The following SEMA3E variants were observed in gnomAD, a reference collection of about 807,000 sequenced individuals.
SEMA3E encodes the protein semaphorin 3E.
A neutral mutation model predicts 93.6 loss-of-function variants in SEMA3E; 49 were observed. That is an observed-to-expected ratio of 0.52 (90% CI 0.42 to 0.66). The LOEUF is 0.66. SEMA3E is among the 30% of genes least tolerant of loss of function. The pLI is 0.00. For synonymous variants in SEMA3E, 363 were observed against 330.7 expected, an observed-to-expected ratio of 1.10 and a Z score of -1.06; for missense variants, 906 against 964.8, an observed-to-expected ratio of 0.94 and a Z score of 0.81.
chr7:83,473,873 C>A (rs989635208), intron 2 of SEMA3E, among the ~76,000 whole-genome samples: 3 of 151,978 alleles, frequency 2.0e-5, no homozygotes, highest in Non-Finnish European at 4.4e-5. Context: ...GCGGGTGGAC[C>A]ACCTGAGGTC....
chr7:83,463,955 G>C (rs1361053885), intron 4 of SEMA3E, among the ~76,000 whole-genome samples: 2 of 152,118 alleles, frequency 1.3e-5, no homozygotes, highest in African/African-American at 4.8e-5. Context: ...ACTTTCACTG[G>C]ATAGGTAGAG....
intron 4 of SEMA3E, 100 bp from the exon 5 acceptor site, chr7:83,418,583 T>C: frequency 2.3e-6 from 2 of 855,914 alleles, no homozygotes; most frequent in Non-Finnish European, 3.9e-6. Flanking sequence ...TTATAAAGCA[T>C]GTATTCTAAA....
chr7:83,645,808 T>A (rs1794071712), intron 1 of SEMA3E, among the ~76,000 whole-genome samples: 1 of 151,826 alleles, frequency 6.6e-6, no homozygotes, highest in African/African-American at 2.4e-5. Flanking sequence ...GTTAAGAACA[T>A]GTCATTCCCA....
At position 83,572,482 on chromosome 7, in the gene SEMA3E, T is replaced by C. The variant is rs955514686; in HGVS notation, c.115+75946A>G. Among the ~76,000 whole-genome samples, 11 of 152,002 alleles carry C rather than the reference T, an allele frequency of 7.2e-5. No individual in the cohort carries two copies. The Middle Eastern group carries it at 0.014, about 188-fold the overall frequency. ...GGTGAAACCCCGTCTCTACTAAAAA[T>C]ACAAAAATTAGCCAGGCATGGTGGC... On this transcript the variant is annotated intron_variant, in intron 1 of 16. Coordinates refer to ENST00000643230, the MANE Select transcript of SEMA3E (RefSeq NM_012431.3).
chr7:83,398,930 C>G (rs1225193960), intron 11 of SEMA3E, among the ~76,000 whole-genome samples: 1 of 151,884 alleles, frequency 6.6e-6, no homozygotes, highest in Non-Finnish European at 1.5e-5. Context: ...GGCAACAGAG[C>G]AGGACCCCAG....
chr7:83,621,663 G>A (rs1488855429), intron 1 of SEMA3E, among the ~76,000 whole-genome samples: 1 of 152,098 alleles, frequency 6.6e-6, no homozygotes, highest in East Asian at 1.9e-4. Flanking sequence ...CGATGGAACA[G>A]AATAGAGAAC....
At chr7:83,524,421 A>G (rs13241046) in intron 1 of SEMA3E, among the ~76,000 whole-genome samples, 80,113 of 151,962 alleles carry the variant, frequency 0.53, 23,466 homozygotes, top group Middle Eastern at 0.69. Context: ...AGTCAAAGGA[A>G]AAAGAAATTC....
chr7:83,449,656 G>A (rs751543568), intron 4 of SEMA3E, among the ~76,000 whole-genome samples: 9 of 151,874 alleles, frequency 5.9e-5, no homozygotes, highest in East Asian at 1.9e-4. Flanking sequence ...ATTTTCTTTC[G>A]GACTTAACTT....
At chr7:83,472,543 G>T (rs1346911346) in intron 2 of SEMA3E, among the ~76,000 whole-genome samples, 1 of 152,082 alleles carries the variant, frequency 6.6e-6, no homozygotes, top group Non-Finnish European at 1.5e-5. Flanking sequence ...TCACCAGAAT[G>T]AAAAAGCTCA....
chr7:83,455,001 T>C (rs1474688884), intron 4 of SEMA3E, among the ~76,000 whole-genome samples: 1 of 149,442 alleles, frequency 6.7e-6, no homozygotes, highest in Non-Finnish European at 1.5e-5. Flanking sequence ...CAGAGGTATA[T>C]GTATAACCCT....
chr7:83,420,620 G>T (rs1200901175), intron 4 of SEMA3E, among the ~76,000 whole-genome samples: 2 of 152,052 alleles, frequency 1.3e-5, no homozygotes, highest in Non-Finnish European at 2.9e-5. Flanking sequence ...TGGTACAAGA[G>T]CAGACACATA....
chr7:83,508,449 A>G (rs1314274855), intron 1 of SEMA3E, among the ~76,000 whole-genome samples: 1 of 151,798 alleles, frequency 6.6e-6, no homozygotes, highest in East Asian at 1.9e-4. Context: ...TTTAGTAGAG[A>G]CAGAGTTTCT....
At chr7:83,499,194 T>G (rs1319146228) in intron 1 of SEMA3E, among the ~76,000 whole-genome samples, 1 of 152,184 alleles carries the variant, frequency 6.6e-6, no homozygotes, top group African/African-American at 2.4e-5. Context: ...AATGTATATA[T>G]ATGAATATAT....
chr7:83,462,559 A>G (rs1441973483), intron 4 of SEMA3E, among the ~76,000 whole-genome samples: 1 of 152,036 alleles, frequency 6.6e-6, no homozygotes, highest in Non-Finnish European at 1.5e-5. Context: ...ACCCACAAGT[A>G]TAAGATACCT....
chr7:83,510,963 T>C (rs1256945176), intron 1 of SEMA3E, among the ~76,000 whole-genome samples: 1 of 152,178 alleles, frequency 6.6e-6, no homozygotes, highest in East Asian at 1.9e-4. Flanking sequence ...GAATATCTCA[T>C]TGGCAGAAAG....
chr7:83,454,556 T>C (rs1228570598), intron 4 of SEMA3E, among the ~76,000 whole-genome samples: 5 of 152,108 alleles, frequency 3.3e-5, no homozygotes, highest in Admixed American at 1.3e-4. Context: ...TTTTTGAACC[T>C]CAAAAACTTA....
chr7:83,451,811 A>G (rs866961010), intron 4 of SEMA3E, among the ~76,000 whole-genome samples: 3 of 152,358 alleles, frequency 2.0e-5, no homozygotes, highest in Middle Eastern at 3.4e-3. Flanking sequence ...AAAACAAACA[A>G]GAAACACTGT....
intron 2 of SEMA3E, among the ~76,000 whole-genome samples, chr7:83,480,623 AT>A (rs1790125537): frequency 6.6e-6 from 1 of 152,134 alleles, no homozygotes; most frequent in Non-Finnish European, 1.5e-5. Context: ...ATTTCCCTAA[AT>A]ATATTTTTGA....
At chr7:83,459,143 CAT>C (rs1789557704) in intron 4 of SEMA3E, among the ~76,000 whole-genome samples, 1 of 151,626 alleles carries the variant, frequency 6.6e-6, no homozygotes, top group Admixed American at 6.6e-5. Flanking sequence ...CTCCTGCAAA[CAT>C]AAAGTCACAC....
Sources: gnomAD v4.1 joint callset for allele counts (sites outside exome capture counted in the v4.1 genomes callset) on GRCh38, gnomAD v4.1.1 for gene constraint, MANE v1.5 for transcripts, NCBI Gene and HGNC (gene_info 2026-07-23, HGNC 2026-07-21) for gene names.